The following ATRN variants were observed in gnomAD, a reference collection of about 807,000 sequenced individuals.
The protein encoded by ATRN is attractin-2.
Under a neutral mutation model 178.7 loss-of-function variants are expected in ATRN, and 54 were observed. That is an observed-to-expected ratio of 0.30 (90% CI 0.24 to 0.38). The LOEUF (loss-of-function observed/expected upper bound fraction) is 0.38. Ranked by LOEUF, ATRN falls within the 10% of genes least tolerant of loss-of-function variation. The pLI is 1.00. For missense variants in ATRN, 1,443 were observed against 1,815.1 expected (o/e 0.79, Z 3.73); for synonymous variants, 636 against 663.0 (o/e 0.96, Z 0.63).
chr20:3,506,703 G>GACACAC (rs199888321), intron 1 of ATRN, among the ~76,000 whole-genome samples: 107 of 149,030 alleles, frequency 7.2e-4, no homozygotes, highest in Middle Eastern at 3.5e-3. Context: ...GCCATTAGTG[G>GACACAC]ACACACACAC....
chr20:3,578,546 A>G (rs771675408), intron 14 of ATRN, 36 bp from the exon 15 acceptor site: 8 of 1,549,524 alleles, frequency 5.2e-6, no homozygotes, highest in Middle Eastern at 1.7e-4. Flanking sequence ...TCTGATTTCT[A>G]AAATTCTTTT....
intron 25 of ATRN, among the ~76,000 whole-genome samples, chr20:3,627,494 A>G (rs1043661027): frequency 1.3e-5 from 2 of 152,270 alleles, no homozygotes; most frequent in African/African-American, 4.8e-5. Context: ...GAAGAAGTAC[A>G]GTAGAGAGGA....
intron 11 of ATRN, among the ~76,000 whole-genome samples, chr20:3,571,540 A>G (rs1305101886): frequency 2.1e-5 from 3 of 144,566 alleles, no homozygotes; most frequent in Admixed American, 7.1e-5. Context: ...TCACCAATCC[A>G]TATATTGTCA....
rs2146321343 is a variant in ATRN, at chr20:3,632,068, C to T, written c.3864-2243C>T. Among the ~76,000 whole-genome samples the T allele has an allele frequency of 6.6e-6, 1 of 152,256 alleles. No homozygotes were observed. The highest frequency in any genetic ancestry group is 2.1e-4 in the South Asian group (1 of 4,822). ...TGCCTTCCAAATGCCATGCCCAGCC[C>T]AGACCTGGCAGCCAGCCTCCAGGTT... On this transcript the variant is annotated intron_variant, in intron 25 of 28. Coordinates refer to ENST00000262919, the MANE Select transcript of ATRN (RefSeq NM_139321.3). This position sits in a 1 kb window ranked among gnomAD's most constrained non-coding sequence, Gnocchi z 4.2.
At chr20:3,486,745 C>T (rs1360323322) in intron 1 of ATRN, among the ~76,000 whole-genome samples, 1 of 152,138 alleles carries the variant, frequency 6.6e-6, no homozygotes, top group South Asian at 2.1e-4. Flanking sequence ...TTTTTTCTTT[C>T]CCTTTCTCTT....
At chr20:3,511,906 G>A (rs1254643367) in intron 1 of ATRN, among the ~76,000 whole-genome samples, 1 of 151,602 alleles carries the variant, frequency 6.6e-6, no homozygotes, top group Admixed American at 6.6e-5. Context: ...TAATTGTACA[G>A]CCTTATAATT....
intron 2 of ATRN, among the ~76,000 whole-genome samples, chr20:3,535,615 A>T (rs1375501478): frequency 6.7e-6 from 1 of 149,344 alleles, no homozygotes; most frequent in African/African-American, 2.5e-5. Context: ...ACACACACAC[A>T]CACACACACA....
At chr20:3,509,057 A>G (rs907620202) in intron 1 of ATRN, among the ~76,000 whole-genome samples, 1 of 152,236 alleles carries the variant, frequency 6.6e-6, no homozygotes, top group Non-Finnish European at 1.5e-5. Context: ...TTAATCCAAA[A>G]AAAGGTAAAA....
chr20:3,611,832 A>G (rs2086771208), intron 24 of ATRN, among the ~76,000 whole-genome samples: 1 of 152,238 alleles, frequency 6.6e-6, no homozygotes, highest in East Asian at 1.9e-4. Context: ...AAAATTAAAA[A>G]TAGTAATAAC....
intron 1 of ATRN, among the ~76,000 whole-genome samples, chr20:3,507,251 C>A (rs1320314421): frequency 2.0e-5 from 3 of 150,952 alleles, no homozygotes; most frequent in African/African-American, 7.3e-5. Flanking sequence ...CTAAAAAATA[C>A]AAAAAAAATT....
chr20:3,552,377 A>C (rs1413235104), intron 6 of ATRN, among the ~76,000 whole-genome samples: 2 of 151,986 alleles, frequency 1.3e-5, no homozygotes, highest in Non-Finnish European at 2.9e-5. Flanking sequence ...TAGGCATCTT[A>C]TGCTCAGCAT....
intron 1 of ATRN, among the ~76,000 whole-genome samples, chr20:3,516,556 T>C (rs966766695): frequency 1.8e-4 from 27 of 152,150 alleles, no homozygotes; most frequent in African/African-American, 6.3e-4. Flanking sequence ...TGGGATACTT[T>C]TGATTGGAAA....
Position 3,562,366 on chromosome 20 carries a change from C to G in ATRN, c.1538C>G (p.Ala513Gly), listed in dbSNP as rs759313901. The G allele has an allele frequency of 6.2e-7, 1 of 1,613,974 alleles. No individual in the cohort carries two copies. Among genetic ancestry groups the G allele is most frequent in the Non-Finnish European group, 8.5e-7 (1 of 1,179,880 alleles). ...HSSVYDHRTR[A>G]LYVHGGYKAF... Reference sequence around the variant, plus strand: ...AGTGTTTACGACCATAGGACCAGGGCCCTATACGTTCATGGTGGCTACAAG... The same window carrying G: ...AGTGTTTACGACCATAGGACCAGGGGCCTATACGTTCATGGTGGCTACAAG... The change falls in exon 9 of 29, where the codon GCC (alanine) becomes GGC (glycine). Residue 513 changes from alanine to glycine, a missense_variant. By Grantham distance (60) the Ala-to-Gly change is moderately conservative. This residue lies in a region of ATRN where 862 missense variants were observed against 972.1 expected (regional missense o/e 0.89). Transcript: ENST00000262919.
intron 25 of ATRN, among the ~76,000 whole-genome samples, chr20:3,627,760 C>A (rs2086954168): frequency 6.6e-6 from 1 of 152,154 alleles, no homozygotes; most frequent in Non-Finnish European, 1.5e-5. Context: ...ATGCAACTTG[C>A]CAAAACTGAC....
At chr20:3,481,875 G>T (rs2084627261) in intron 1 of ATRN, among the ~76,000 whole-genome samples, 2 of 133,546 alleles carry the variant, frequency 1.5e-5, no homozygotes, top group African/African-American at 2.9e-5. Context: ...AATTTCTCTT[G>T]GTCCTTTTTG....
intron 25 of ATRN, among the ~76,000 whole-genome samples, chr20:3,627,870 A>G (rs2086955234): frequency 6.6e-6 from 1 of 152,198 alleles, no homozygotes; most frequent in South Asian, 2.1e-4. Context: ...AGGTGGCTTC[A>G]TTGGTAACAT....
chr20:3,501,015 T>C (rs2084956658), intron 1 of ATRN, among the ~76,000 whole-genome samples: 1 of 152,162 alleles, frequency 6.6e-6, no homozygotes, highest in Admixed American at 6.6e-5. Context: ...CTTTGAAACA[T>C]AGTAATTTGA....
Position 3,549,262 on chromosome 20 carries a change from G to A in ATRN, c.1036G>A (p.Ala346Thr). 1 of 1,610,794 alleles carries A rather than the reference G, an allele frequency of 6.2e-7. No individual in the cohort carries two copies. Among genetic ancestry groups the A allele is most frequent in the Non-Finnish European group, 8.5e-7 (1 of 1,178,754 alleles). Residue 346 changes from alanine (A) to threonine (T), a missense_variant, in exon 6 of 29, where the codon GCT becomes ACT. Coordinates refer to ENST00000262919, the MANE Select transcript of ATRN (RefSeq NM_139321.3). ...AAAGCTCCCCAGAGCATCTCATAAA[G>A]CTGTGGTCAATGGAAACATTATGTG... ...NLKLPRASHK[A>T]VVNGNIMWVV...
chr20:3,608,499 T>C (rs2086710185), intron 24 of ATRN, among the ~76,000 whole-genome samples: 1 of 152,212 alleles, frequency 6.6e-6, no homozygotes, highest in Non-Finnish European at 1.5e-5. Flanking sequence ...GACTCCATTA[T>C]TGAAAACCAG....
Sources: gnomAD v4.1 joint callset for allele counts (sites outside exome capture counted in the v4.1 genomes callset) on GRCh38, gnomAD v4.1.1 for gene constraint, gnomAD v4.1.1 regional missense constraint, Gnocchi (gnomAD v3.1) non-coding constraint, MANE v1.5 for transcripts, NCBI Gene and HGNC (gene_info 2026-07-23, HGNC 2026-07-21) for gene names.